COL23A1: variants seen among roughly 807,000 people sequenced by gnomAD.
The protein encoded by COL23A1 is collagen type XXIII alpha 1 chain.
In COL23A1, 97 loss-of-function variants were observed where a neutral mutation model predicts 99.3. That is an observed-to-expected ratio of 0.98 (90% CI 0.83 to 1.16). The LOEUF (loss-of-function observed/expected upper bound fraction) is 1.16, where lower values mean the gene tolerates loss of function less well. Among genes scored for constraint, COL23A1 ranks in the 50% most tolerant of loss-of-function variants. COL23A1 has a pLI of 0.00. For missense variants in COL23A1, 762 were observed against 757.4 expected (o/e 1.01, Z -0.07); for synonymous variants, 320 against 308.2 (o/e 1.04, Z -0.40).
chr5:178,259,807 C>T (rs566462462), intron 11 of COL23A1, 60 bp from the exon 12 acceptor site: 2 of 1,502,488 alleles, frequency 1.3e-6, no homozygotes. Flanking sequence ...GTGGCCCGGA[C>T]CCCGGACCTC....
intron 1 of COL23A1, among the ~76,000 whole-genome samples, chr5:178,585,750 G>GCAC (rs1554201772): frequency 6.6e-6 from 1 of 151,960 alleles, no homozygotes; most frequent in Non-Finnish European, 1.5e-5. Flanking sequence ...GGCTGACCCT[G>GCAC]TTGGTTGCTC....
chr5:178,531,922 C>T (rs1760673274), intron 2 of COL23A1, among the ~76,000 whole-genome samples: 1 of 152,224 alleles, frequency 6.6e-6, no homozygotes, highest in Admixed American at 6.5e-5. Flanking sequence ...CGAACCACAA[C>T]ACCAAACTCA....
intron 2 of COL23A1, among the ~76,000 whole-genome samples, chr5:178,367,711 T>C (rs866922213): frequency 1.3e-5 from 2 of 152,346 alleles, no homozygotes; most frequent in South Asian, 4.1e-4. Context: ...TCTCTTTTCT[T>C]TCTAGCATAT....
intron 2 of COL23A1, among the ~76,000 whole-genome samples, chr5:178,513,159 G>C (rs990061720): frequency 2.0e-5 from 3 of 152,220 alleles, no homozygotes; most frequent in Non-Finnish European, 2.9e-5. Context: ...CCTGGGACGA[G>C]ATGAGCTTCA....
chr5:178,421,343 T>G (rs1027345859), intron 2 of COL23A1, among the ~76,000 whole-genome samples: 2 of 152,180 alleles, frequency 1.3e-5, no homozygotes, highest in Non-Finnish European at 2.9e-5. Context: ...TTACTAGCTG[T>G]GTGATGTTTC....
intron 27 of COL23A1, among the ~76,000 whole-genome samples, chr5:178,239,456 A>C (rs1395525635): frequency 6.6e-6 from 1 of 152,202 alleles, no homozygotes; most frequent in Non-Finnish European, 1.5e-5. Context: ...ACAGGAGGGC[A>C]CTAGGAAGGG....
chr5:178,455,700 G>A (rs1218905765), intron 2 of COL23A1, among the ~76,000 whole-genome samples: 1 of 152,078 alleles, frequency 6.6e-6, no homozygotes, highest in East Asian at 1.9e-4. Context: ...GCACCTCAAG[G>A]CCGAGAGCTG....
At chr5:178,370,812 T>C (rs1762760135) in intron 2 of COL23A1, among the ~76,000 whole-genome samples, 2 of 152,194 alleles carry the variant, frequency 1.3e-5, no homozygotes, top group Non-Finnish European at 1.5e-5. Flanking sequence ...CGTGGTGGTG[T>C]GCACCTGCAG....
At chr5:178,464,312 T>C (rs1756296000) in intron 2 of COL23A1, among the ~76,000 whole-genome samples, 1 of 152,226 alleles carries the variant, frequency 6.6e-6, no homozygotes, top group Admixed American at 6.5e-5. Flanking sequence ...GCAGTATGTA[T>C]CCTTTTGTGT....
intron 1 of COL23A1, among the ~76,000 whole-genome samples, chr5:178,574,561 G>A (rs561979776): frequency 3.3e-5 from 5 of 152,216 alleles, no homozygotes; most frequent in South Asian, 4.1e-4. Context: ...GGTTGCTCCC[G>A]GGAAATGTTT....
At chr5:178,325,973 A>G (rs576640791) in intron 2 of COL23A1, among the ~76,000 whole-genome samples, 1 of 152,352 alleles carries the variant, frequency 6.6e-6, no homozygotes, top group East Asian at 1.9e-4. Flanking sequence ...CTTTCTAGCC[A>G]GGGCTGTTGG....
At chr5:178,585,567 G>A (rs1027897964) in intron 1 of COL23A1, among the ~76,000 whole-genome samples, 15 of 151,462 alleles carry the variant, frequency 9.9e-5, no homozygotes, top group Non-Finnish European at 1.3e-4. Flanking sequence ...GATGCTGGGG[G>A]TAACACTCCA....
chr5:178,323,914 C>G (rs1759490365), intron 2 of COL23A1, among the ~76,000 whole-genome samples: 1 of 152,178 alleles, frequency 6.6e-6, no homozygotes, highest in Non-Finnish European at 1.5e-5. Flanking sequence ...AGTCACACAG[C>G]TGGAACAGCT....
Position 178,242,037 on chromosome 5 carries a change from C to G in COL23A1, c.1581+5G>C. 6.4e-7 allele frequency: 1 copy of G among 1,552,984 alleles called. No homozygotes were observed. Among genetic ancestry groups the G allele is most frequent in the South Asian group, 1.2e-5 (1 of 84,186 alleles). ...CCTGGGGCAGGGCCCTCCTCCGACA[C>G]CTACCACGGGACACGGCTGGTCCAG... On this transcript the variant is annotated splice_donor_5th_base_variant and intron_variant, in intron 27 of 28. Coordinates refer to ENST00000390654, the MANE Select transcript of COL23A1 (RefSeq NM_173465.4).
intron 2 of COL23A1, among the ~76,000 whole-genome samples, chr5:178,455,205 G>A (rs1767704800): frequency 6.6e-6 from 1 of 152,198 alleles, no homozygotes; most frequent in African/African-American, 2.4e-5. Context: ...AGTTCAACCC[G>A]TACCACTGAG....
intron 2 of COL23A1, among the ~76,000 whole-genome samples, chr5:178,344,587 G>C (rs932006026): frequency 1.4e-4 from 21 of 152,082 alleles, no homozygotes; most frequent in Non-Finnish European, 2.9e-5. Context: ...AGGTTGCAGT[G>C]AGCCGACATC....
intron 2 of COL23A1, among the ~76,000 whole-genome samples, chr5:178,523,225 G>GAGAGAGAC (rs1760098729): frequency 1.9e-5 from 2 of 108,078 alleles, no homozygotes; most frequent in South Asian, 3.0e-4. Context: ...GAGAGAGAGA[G>GAGAGAGAC]ACAGAGGGAG....
Position 178,429,634 on chromosome 5 carries a change from T to C in COL23A1, c.362-122715A>G, listed in dbSNP as rs114596015. Among the ~76,000 whole-genome samples, 525 of 152,286 alleles carry C rather than the reference T, an allele frequency of 3.4e-3. 3 individuals are homozygous for C. Among genetic ancestry groups the C allele is most frequent in the African/African-American group, 0.012 (495 of 41,554 alleles). On this transcript the variant is annotated intron_variant, in intron 2 of 28. Transcript: ENST00000390654. The stretch of plus-strand genomic sequence containing the variant: ...ATTCATTGAGTGCCGCTTCCTGGTC[T>C]TCCTGGTGAGGCTGCACGCACTCTC...
chr5:178,382,512 G>A (rs1763438337), intron 2 of COL23A1, among the ~76,000 whole-genome samples: 1 of 152,190 alleles, frequency 6.6e-6, no homozygotes, highest in African/African-American at 2.4e-5. Context: ...GGAGGAGGCG[G>A]GACCTGAGGG....
Sources: gnomAD v4.1 joint callset for allele counts (sites outside exome capture counted in the v4.1 genomes callset) on GRCh38, gnomAD v4.1.1 for gene constraint, MANE v1.5 for transcripts, NCBI Gene and HGNC (gene_info 2026-07-23, HGNC 2026-07-21) for gene names.